TNS3: variants seen among roughly 807,000 people sequenced by gnomAD.
TNS3 encodes tensin-3.
TNS3 carries 45 observed loss-of-function variants against 140.9 expected under a neutral mutation model. The observed-to-expected ratio is 0.32, with a 90% CI of 0.25 to 0.41. The LOEUF is 0.41. Ranked by LOEUF, TNS3 falls within the 10% of genes least tolerant of loss-of-function variation. The pLI, the probability that TNS3 is intolerant of heterozygous loss-of-function variation, is 1.00. For missense variants in TNS3, 1,716 were observed against 1,906.7 expected (o/e 0.90, Z 1.86); for synonymous variants, 815 against 788.4 (o/e 1.03, Z -0.56).
At chr7:47,397,191 C>T (rs1343273925) in intron 15 of TNS3, among the ~76,000 whole-genome samples, 2 of 152,192 alleles carry the variant, frequency 1.3e-5, no homozygotes, top group African/African-American at 4.8e-5. Flanking sequence ...TTCAGACCAC[C>T]TCACTGATGA....
At chr7:47,552,397 T>C (rs764575027) in intron 1 of TNS3, among the ~76,000 whole-genome samples, 4 of 152,224 alleles carry the variant, frequency 2.6e-5, no homozygotes, top group Non-Finnish European at 5.9e-5. Context: ...CTTTGCTTTA[T>C]TGAACTTTGC....
Position 47,302,992 on chromosome 7 carries a change from G to A in TNS3, c.3415C>T (p.Pro1139Ser), listed in dbSNP as rs200568468. The A allele has an allele frequency of 3.5e-4, 562 of 1,612,810 alleles. No homozygotes were observed. The highest frequency in any genetic ancestry group is 6.6e-4 in the Middle Eastern group (4 of 6,056). The part of the protein sequence containing the change: ...TISIPFPNVL[P>S]DFSKASEAAS... Reference sequence around the variant, plus strand: ...GCTTCTGAAGCCTTGGAAAAGTCGGGAAGGACATTTGGGAAGGGGATACTG... The same window carrying A: ...GCTTCTGAAGCCTTGGAAAAGTCGGAAAGGACATTTGGGAAGGGGATACTG... The change falls in exon 22 of 31, where the codon CCC (proline) becomes TCC (serine). Residue 1139 changes from proline (P) to serine (S), a missense_variant. By Grantham distance (74) the Pro-to-Ser change is moderately conservative. This residue lies in a region of TNS3 where 1,163 missense variants were observed against 1,182.1 expected (regional missense o/e 0.98). Coordinates refer to ENST00000311160, the MANE Select transcript of TNS3 (RefSeq NM_022748.12).
intron 20 of TNS3, among the ~76,000 whole-genome samples, chr7:47,319,415 C>T (rs1562589625): frequency 6.7e-6 from 1 of 148,752 alleles, no homozygotes; most frequent in East Asian, 2.0e-4. Flanking sequence ...GAGAGAGAGA[C>T]AGAGAGAGAG....
chr7:47,445,251 A>G (rs1795670490), intron 4 of TNS3, among the ~76,000 whole-genome samples: 2 of 152,186 alleles, frequency 1.3e-5, no homozygotes, highest in African/African-American at 4.8e-5. Flanking sequence ...CCTCCAAGGC[A>G]TGTGGTGCTC....
chr7:47,442,190 G>T, intron 4 of TNS3, 135 bp from the exon 5 acceptor site: 1 of 442,964 alleles, frequency 2.3e-6, no homozygotes, highest in Non-Finnish European at 3.8e-6. Context: ...GTAACTACAA[G>T]CCCACCTTAT....
chr7:47,539,004 G>A (rs1799704296), intron 1 of TNS3: 3 of 456,480 alleles, frequency 6.6e-6, no homozygotes, highest in Non-Finnish European at 4.4e-6. Context: ...CTAAGAACAG[G>A]ATATGCTGCT....
intron 7 of TNS3, among the ~76,000 whole-genome samples, chr7:47,436,911 C>T (rs1400876429): frequency 6.6e-6 from 1 of 152,038 alleles, no homozygotes; most frequent in Non-Finnish European, 1.5e-5. Context: ...TCTATACACA[C>T]GATGCCGAGA....
intron 4 of TNS3, among the ~76,000 whole-genome samples, chr7:47,463,413 C>T (rs1300618756): frequency 2.0e-5 from 3 of 152,152 alleles, no homozygotes; most frequent in East Asian, 1.9e-4. Context: ...CACAGCACTC[C>T]GGCCTGGGTG....
In TNS3 at chr7:47,573,823, G is replaced by C. The variant is rs567053792; in HGVS notation, c.-265+8228C>G. Among the ~76,000 whole-genome samples, 5 of 152,354 alleles carry C rather than the reference G, an allele frequency of 3.3e-5. 1 individual carries two copies. The highest frequency in any genetic ancestry group is 2.0e-4 in the Admixed American group (3 of 15,310). On this transcript the variant is annotated intron_variant, in intron 1 of 30. Coordinates refer to ENST00000311160, the MANE Select transcript of TNS3 (RefSeq NM_022748.12). ...TTCTGCAAATGCCCACGTTGGAAAA[G>C]ATGCCAGTAATTCTGGTTCAACATG...
intron 4 of TNS3, among the ~76,000 whole-genome samples, chr7:47,476,353 G>A (rs1454425746): frequency 2.4e-4 from 37 of 152,166 alleles, no homozygotes; most frequent in Admixed American, 2.4e-3. Context: ...TGTGAGCACT[G>A]CGTGTACACA....
chr7:47,347,515 C>A (rs1283008792), intron 17 of TNS3, among the ~76,000 whole-genome samples: 22 of 152,022 alleles, frequency 1.4e-4, no homozygotes, highest in Admixed American at 1.4e-3. Context: ...TTTCTGTCTG[C>A]AGCATGGGGG....
At chr7:47,301,757 C>A (rs908837457) in intron 23 of TNS3, among the ~76,000 whole-genome samples, 2 of 152,048 alleles carry the variant, frequency 1.3e-5, no homozygotes, top group African/African-American at 4.8e-5. Flanking sequence ...TAGGTGTTCA[C>A]AAACACACAG....
chr7:47,382,040 A>G (rs1279060214), intron 16 of TNS3, among the ~76,000 whole-genome samples: 1 of 152,206 alleles, frequency 6.6e-6, no homozygotes, highest in Admixed American at 6.5e-5. Context: ...GTATGTCTAG[A>G]TATGGCTAGG....
chr7:47,470,570 G>A (rs575726708), intron 4 of TNS3: 63 of 985,384 alleles, frequency 6.4e-5, no homozygotes, highest in Middle Eastern at 1.0e-3. Flanking sequence ...CCTTTGGTGC[G>A]TCCAGCCCTG....
intron 4 of TNS3, chr7:47,470,441 A>G (rs1796904111): frequency 1.0e-6 from 1 of 985,058 alleles, no homozygotes; most frequent in Admixed American, 6.1e-5. Flanking sequence ...ATCCCACTCA[A>G]CCTGATTTTT....
intron 13 of TNS3, among the ~76,000 whole-genome samples, chr7:47,410,031 G>A (rs79549483): frequency 0.011 from 1,607 of 152,258 alleles, 16 homozygotes; most frequent in Non-Finnish European, 0.017. Flanking sequence ...GAACATAGCC[G>A]GTGCTCAATA....
At position 47,400,784 on chromosome 7, in the gene TNS3, C is replaced by G; in HGVS notation, c.853+1G>C. 1 of 1,614,042 alleles carries G rather than the reference C, an allele frequency of 6.2e-7. No individual in the cohort carries two copies. The highest frequency in any genetic ancestry group is 8.5e-7 in the Non-Finnish European group (1 of 1,179,884). ...ACAGGGCCGCCAGCTCCGCGCCTCACCTTTGCTGGCATTGTCCAGATCCTC... is the reference window on the plus strand; with the variant it reads ...ACAGGGCCGCCAGCTCCGCGCCTCAGCTTTGCTGGCATTGTCCAGATCCTC... On this transcript the variant is annotated splice_donor_variant, in intron 14 of 30. Transcript: ENST00000311160. LOFTEE classifies it high-confidence loss of function.
intron 10 of TNS3, among the ~76,000 whole-genome samples, chr7:47,416,382 TACAA>T (rs1017619079): frequency 2.0e-5 from 3 of 152,156 alleles, no homozygotes; most frequent in Non-Finnish European, 4.4e-5. Context: ...TAAATTTGTA[TACAA>T]ACAAACTAAA....
chr7:47,366,001 G>A (rs556403388), intron 17 of TNS3, among the ~76,000 whole-genome samples: 18 of 152,190 alleles, frequency 1.2e-4, no homozygotes, highest in Non-Finnish European at 2.6e-4. Context: ...AGTATGTGGA[G>A]TCCTCTTCTC....
Sources: gnomAD v4.1 joint callset for allele counts (sites outside exome capture counted in the v4.1 genomes callset) on GRCh38, gnomAD v4.1.1 for gene constraint, gnomAD v4.1.1 regional missense constraint, MANE v1.5 for transcripts, NCBI Gene and HGNC (gene_info 2026-07-23, HGNC 2026-07-21) for gene names.